The following SNTG1 variants were observed in gnomAD, a reference collection of about 807,000 sequenced individuals.
SNTG1 encodes the protein syntrophin gamma 1, also known as gamma-1-syntrophin.
Under a neutral mutation model 74.7 loss-of-function variants are expected in SNTG1, and 39 were observed. The observed-to-expected ratio is 0.52, with a 90% CI of 0.40 to 0.68. SNTG1 has a LOEUF of 0.68. SNTG1 is among the 30% of genes least tolerant of loss of function. The pLI is 0.00. For missense variants in SNTG1, 685 were observed against 609.5 expected (o/e 1.12, Z -1.30); for synonymous variants, 254 against 217.1 (o/e 1.17, Z -1.49).
intron 1 of SNTG1, among the ~76,000 whole-genome samples, chr8:49,966,319 A>C (rs528170826): frequency 6.6e-6 from 1 of 152,086 alleles, no homozygotes; most frequent in Non-Finnish European, 1.5e-5. Flanking sequence ...TCAGTACTTT[A>C]AGTGTTTAGT....
intron 1 of SNTG1, among the ~76,000 whole-genome samples, chr8:50,072,171 A>G (rs892432326): frequency 1.3e-5 from 2 of 152,190 alleles, no homozygotes; most frequent in African/African-American, 4.8e-5. Flanking sequence ...GCCTTGGACA[A>G]GTAATATGTT....
chr8:50,505,823 A>G (rs192488432), intron 9 of SNTG1, among the ~76,000 whole-genome samples: 14 of 152,138 alleles, frequency 9.2e-5, no homozygotes, highest in Admixed American at 6.5e-4. Context: ...CACTCTGTTG[A>G]TCATTTTATT....
chr8:50,108,697 A>G (rs566201372), intron 1 of SNTG1, among the ~76,000 whole-genome samples: 1 of 152,318 alleles, frequency 6.6e-6, no homozygotes, highest in East Asian at 1.9e-4. Flanking sequence ...CATTTATAGA[A>G]GCTTTGTTAA....
chr8:50,482,611 C>T (rs182598223), intron 8 of SNTG1, among the ~76,000 whole-genome samples: 11 of 152,306 alleles, frequency 7.2e-5, no homozygotes, highest in Non-Finnish European at 1.3e-4. Context: ...TAAAAATCAG[C>T]AATCATTTAC....
chr8:50,660,113 T>C (rs2095210244), intron 15 of SNTG1, among the ~76,000 whole-genome samples: 1 of 151,946 alleles, frequency 6.6e-6, no homozygotes. Flanking sequence ...GTGTTAGGAT[T>C]ACAGGCATGA....
At chr8:49,945,063 G>A (rs975543059) in intron 1 of SNTG1, among the ~76,000 whole-genome samples, 1 of 152,094 alleles carries the variant, frequency 6.6e-6, no homozygotes. Flanking sequence ...ATTTGGTATT[G>A]TTTTCCATTA....
At chr8:50,485,391 C>T (rs1007586548) in intron 8 of SNTG1, among the ~76,000 whole-genome samples, 2 of 151,918 alleles carry the variant, frequency 1.3e-5, no homozygotes, top group Admixed American at 6.6e-5. Flanking sequence ...CTTTTAAAAA[C>T]TTCTCTTATA....
chr8:50,116,261 A>T (rs931435900), intron 1 of SNTG1, among the ~76,000 whole-genome samples: 1 of 152,152 alleles, frequency 6.6e-6, no homozygotes, highest in Admixed American at 6.6e-5. Context: ...ATCTAACATT[A>T]AACACTTTCC....
intron 17 of SNTG1, among the ~76,000 whole-genome samples, chr8:50,731,600 A>G (rs981463924): frequency 4.6e-5 from 7 of 152,038 alleles, no homozygotes; most frequent in Non-Finnish European, 7.4e-5. Context: ...CTAACAGCTT[A>G]CTCAACACTC....
At chr8:50,365,658 G>C (rs2092088034) in intron 2 of SNTG1, among the ~76,000 whole-genome samples, 1 of 152,018 alleles carries the variant, frequency 6.6e-6, no homozygotes, top group Admixed American at 6.5e-5. Flanking sequence ...ACAGCAAATT[G>C]AAATTCAGTT....
chr8:50,326,063 G>A (rs112752778), intron 2 of SNTG1, among the ~76,000 whole-genome samples: 3 of 151,966 alleles, frequency 2.0e-5, no homozygotes, highest in African/African-American at 7.2e-5. Context: ...CAGCTTTGGA[G>A]CCTGAAATGA....
intron 1 of SNTG1, among the ~76,000 whole-genome samples, chr8:49,956,875 T>C (rs1278866287): frequency 6.6e-6 from 1 of 152,144 alleles, no homozygotes; most frequent in Non-Finnish European, 1.5e-5. Context: ...AAGATTTTCT[T>C]TCCCCTCCTC....
intron 4 of SNTG1, among the ~76,000 whole-genome samples, chr8:50,435,059 T>C (rs2093286779): frequency 6.6e-6 from 1 of 152,164 alleles, no homozygotes; most frequent in South Asian, 2.1e-4. Flanking sequence ...ATGCAACTTA[T>C]AATATAATAT....
chr8:50,521,424 T>G (rs1372501155), intron 9 of SNTG1, among the ~76,000 whole-genome samples: 1 of 151,904 alleles, frequency 6.6e-6, no homozygotes, highest in Admixed American at 6.6e-5. Context: ...CAATAAAAAA[T>G]AATTTTTGCT....
intron 17 of SNTG1, among the ~76,000 whole-genome samples, chr8:50,734,549 T>C (rs916441633): frequency 6.6e-6 from 1 of 150,728 alleles, no homozygotes; most frequent in African/African-American, 2.4e-5. Flanking sequence ...TTTTAATTAG[T>C]ATTTGCTTTG....
At chr8:50,041,908 C>A (rs1011121211) in intron 1 of SNTG1, among the ~76,000 whole-genome samples, 2 of 152,180 alleles carry the variant, frequency 1.3e-5, no homozygotes, top group African/African-American at 4.8e-5. Context: ...ACAGCTGCAC[C>A]TGGATCCCAT....
rs575886118 is a variant in SNTG1, at chr8:49,960,183, T to G, written c.-103+47952T>G. On this transcript the variant is annotated intron_variant, in intron 1 of 18. Transcript: ENST00000642720. ...GTTTCCAAACAGACCTATATCTAAT[T>G]ACCATATTTGATGCTTCATAAGAAT... 5.3e-5 allele frequency among the ~76,000 whole-genome samples: 8 copies of G among 152,322 alleles called. No individual in the cohort carries two copies. In the East Asian group the frequency reaches 1.5e-3, roughly 29 times the overall value.
At chr8:50,038,159 T>C (rs7837667) in intron 1 of SNTG1, among the ~76,000 whole-genome samples, 4,996 of 152,222 alleles carry the variant, frequency 0.033, 286 homozygotes, top group African/African-American at 0.11. Context: ...CCATAGGTGG[T>C]CTCCTTGCCT....
At chr8:50,734,824 G>T (rs1195102464) in intron 17 of SNTG1, among the ~76,000 whole-genome samples, 3 of 67,078 alleles carry the variant, frequency 4.5e-5, no homozygotes, top group African/African-American at 6.6e-5. Context: ...TATATATATG[G>T]ACATATATAT....
Sources: gnomAD v4.1 joint callset for allele counts (sites outside exome capture counted in the v4.1 genomes callset) on GRCh38, gnomAD v4.1.1 for gene constraint, MANE v1.5 for transcripts, NCBI Gene and HGNC (gene_info 2026-07-23, HGNC 2026-07-21) for gene names.